Variants in VAV1 observed in about 807,000 individuals in gnomAD.
The protein encoded by VAV1 is proto-oncogene vav.
In VAV1, 33 loss-of-function variants were observed where a neutral mutation model predicts 128.1. The ratio of observed to expected loss-of-function variants is 0.26; its 90% CI spans 0.20 to 0.34. The LOEUF (loss-of-function observed/expected upper bound fraction) is 0.34, where lower values mean the gene tolerates loss of function less well. Ranked by LOEUF, VAV1 falls within the 10% of genes least tolerant of loss-of-function variation. VAV1 has a pLI of 1.00. For synonymous variants in VAV1, 394 were observed against 409.8 expected (o/e 0.96, Z 0.47); for missense variants, 715 against 1,093.7 (o/e 0.65, Z 4.88).
Position 6,822,232 on chromosome 19 carries a change from A to C in VAV1, c.461A>C (p.Glu154Ala), listed in dbSNP as rs1199900607. 16 of 1,583,272 alleles carry C rather than the reference A, an allele frequency of 1.0e-5. No homozygotes were observed. Among genetic ancestry groups the C allele is most frequent in the Non-Finnish European group, 1.4e-5 (16 of 1,166,050 alleles). The change falls in exon 5 of 27, where the codon GAG (glutamate) becomes GCG (alanine). Residue 154 changes from glutamate to alanine, a missense_variant. Coordinates refer to ENST00000602142, the MANE Select transcript of VAV1 (RefSeq NM_005428.4). The surrounding 1 kb of genome is among the most constrained non-coding windows in gnomAD (Gnocchi z 5.9). ...CTCACAACCCACAGCGACACGGTGG[A>C]GGAGGATGAGGACCTGTATGACTGC... ...GLSDQIDDTVEEDEDLYDCVE... is the reference protein window; with the variant it reads ...GLSDQIDDTVAEDEDLYDCVE...
chr19:6,811,938 C>T (rs564137046), intron 1 of VAV1, among the ~76,000 whole-genome samples: 2 of 152,310 alleles, frequency 1.3e-5, no homozygotes, highest in South Asian at 4.1e-4. Flanking sequence ...CTTTCATTTG[C>T]AGTTTTGCCA....
intron 1 of VAV1, among the ~76,000 whole-genome samples, chr19:6,812,310 C>CT (rs561287357): frequency 2.6e-5 from 4 of 152,134 alleles, no homozygotes; most frequent in African/African-American, 9.7e-5. Flanking sequence ...GTTTCTCTCT[C>CT]TGAGTGATGA....
At chr19:6,783,156 G>A (rs10403533) in intron 1 of VAV1, among the ~76,000 whole-genome samples, 32,956 of 152,060 alleles carry the variant, frequency 0.22, 3,656 homozygotes, top group African/African-American at 0.25. Flanking sequence ...CTCCAGCCTG[G>A]TGACAGAGCG....
chr19:6,822,618 C>A lies in VAV1; in HGVS notation c.654+104C>A. On this transcript the variant is annotated intron_variant, in intron 6 of 26. Coordinates refer to ENST00000602142, the MANE Select transcript of VAV1 (RefSeq NM_005428.4). This position sits in a 1 kb window ranked among gnomAD's most constrained non-coding sequence, Gnocchi z 5.9. ...GCTCTGGGCAGCTGAGGATTTCCTG[C>A]TCCCATCGCTTTTCCTTTCTGTGAC... 2.1e-6 allele frequency: 2 copies of A among 962,578 alleles called. No individual in the cohort carries two copies. Among genetic ancestry groups the A allele is most frequent in the Non-Finnish European group, 3.0e-6 (2 of 657,474 alleles). The allele number at this position is 962,578 out of a possible 1,614,324, so 59.6% of individuals were successfully genotyped here. A position where few individuals can be genotyped will look rare whatever the true frequency, so the allele number is the denominator to read the frequency against.
In VAV1 at chr19:6,831,973, T is replaced by C. The variant is rs1052325466; in HGVS notation, c.1399-118T>C. 6.6e-6 allele frequency: 5 copies of C among 754,666 alleles called. No homozygotes were observed. In the East Asian group the frequency reaches 7.9e-5, roughly 12 times the overall value. 46.7% of individuals were successfully genotyped at this position (754,666 alleles called of 1,614,324 possible). A position where few individuals can be genotyped will look rare whatever the true frequency, so the allele number is the denominator to read the frequency against. On this transcript the variant is annotated intron_variant, in intron 14 of 26. Transcript: ENST00000602142. ...TTACAAGGATATCCATGCATGGTGC[T>C]AGGGGCATAGAGACTGTCATGGGCT... is the stretch of plus-strand genomic sequence containing the variant.
rs192927418 is a variant in VAV1, at chr19:6,811,515, G to C, written c.205-9187G>C. Among the ~76,000 whole-genome samples the C allele has an allele frequency of 6.9e-4, 105 of 152,254 alleles. 1 individual carries two copies. The highest frequency in any genetic ancestry group is 1.1e-3 in the Non-Finnish European group (72 of 68,018). ...CATGTTAAGGGAGGCTGCAGTTGGG[G>C]GAGAATGAGGACTCTGCTTGGCTGA... On this transcript the variant is annotated intron_variant, in intron 1 of 26. Coordinates refer to ENST00000602142, the MANE Select transcript of VAV1 (RefSeq NM_005428.4).
At chr19:6,778,195 C>T (rs1970687047) in intron 1 of VAV1, among the ~76,000 whole-genome samples, 1 of 152,150 alleles carries the variant, frequency 6.6e-6, no homozygotes, top group Admixed American at 6.6e-5. Flanking sequence ...CCTCGGCCTC[C>T]CAAAGTGTTA....
intron 1 of VAV1, among the ~76,000 whole-genome samples, chr19:6,787,368 G>T (rs890239808): frequency 2.0e-5 from 3 of 151,942 alleles, no homozygotes; most frequent in Non-Finnish European, 4.4e-5. Flanking sequence ...TAGAGATGGG[G>T]TTTCACCAAG....
intron 1 of VAV1, among the ~76,000 whole-genome samples, chr19:6,789,813 G>A (rs1268366608): frequency 6.6e-6 from 1 of 151,166 alleles, no homozygotes; most frequent in Non-Finnish European, 1.5e-5. Flanking sequence ...TGGCCAGGCT[G>A]GTCTGGAACT....
intron 16 of VAV1, 64 bp downstream of exon 16, chr19:6,833,349 T>A: frequency 6.6e-7 from 1 of 1,516,442 alleles, no homozygotes; most frequent in Non-Finnish European, 9.0e-7. Context: ...CTAGAGAAGA[T>A]GGCCTAGTAA....
At chr19:6,804,864 C>T (rs1472093163) in intron 1 of VAV1, among the ~76,000 whole-genome samples, 5 of 151,942 alleles carry the variant, frequency 3.3e-5, no homozygotes, top group South Asian at 2.1e-4. Flanking sequence ...GCTGGGACTA[C>T]AGGCGCCCGC....
intron 21 of VAV1, among the ~76,000 whole-genome samples, chr19:6,840,810 G>A (rs919509061): frequency 2.6e-5 from 4 of 151,554 alleles, no homozygotes; most frequent in African/African-American, 7.3e-5. Flanking sequence ...ATGGAGTTTC[G>A]CTCTTGTTGC....
At chr19:6,827,737 T>G (rs1397883276) in intron 9 of VAV1, among the ~76,000 whole-genome samples, 1 of 149,618 alleles carries the variant, frequency 6.7e-6, no homozygotes, top group Non-Finnish European at 1.5e-5. Context: ...TAGCTGGGAT[T>G]GCAGGAGTCT....
intron 1 of VAV1, among the ~76,000 whole-genome samples, chr19:6,814,632 T>TCCC (rs1971581392): frequency 2.1e-5 from 3 of 141,178 alleles, no homozygotes; most frequent in African/African-American, 8.4e-5. Context: ...CTTTCTTTTC[T>TCCC]TTCTCTCCTT....
At chr19:6,827,041 A>G (rs1320693073) in intron 9 of VAV1, 1 of 306,490 alleles carries the variant, frequency 3.3e-6, no homozygotes. Context: ...TTCTCACTGA[A>G]CCCCAATTCC....
At chr19:6,841,776 T>C (rs1459522771) in intron 21 of VAV1, among the ~76,000 whole-genome samples, 2 of 151,322 alleles carry the variant, frequency 1.3e-5, no homozygotes, top group Non-Finnish European at 2.9e-5. Flanking sequence ...GTCCAGCACA[T>C]ACTGTTTTTC....
At chr19:6,832,525 TCC>T (rs1163587287) in intron 15 of VAV1, among the ~76,000 whole-genome samples, 68 of 121,960 alleles carry the variant, frequency 5.6e-4, no homozygotes, top group Admixed American at 1.5e-3. Flanking sequence ...TCCTCTTTCC[TCC>T]TCCTCCCCTT....
intron 1 of VAV1, among the ~76,000 whole-genome samples, chr19:6,775,060 C>T (rs545074244): frequency 1.3e-5 from 2 of 152,178 alleles, no homozygotes; most frequent in East Asian, 3.9e-4. Flanking sequence ...GCCACCATGC[C>T]CGGCCCTTCT....
Position 6,828,923 on chromosome 19 carries a change from T to A in VAV1, c.1265+23T>A, listed in dbSNP as rs771147677. ...CAGGTGGGTGGAGTCAACATGGATCTGGGATGGAGCCTGGGCAAAGGGGTG... is the reference window on the plus strand; with the variant it reads ...CAGGTGGGTGGAGTCAACATGGATCAGGGATGGAGCCTGGGCAAAGGGGTG... On this transcript the variant is annotated intron_variant, in intron 13 of 26. Coordinates refer to ENST00000602142, the MANE Select transcript of VAV1 (RefSeq NM_005428.4). This position sits in a 1 kb window ranked among gnomAD's most constrained non-coding sequence, Gnocchi z 4.5. 1.2e-6 allele frequency: 2 copies of A among 1,612,890 alleles called. No individual in the cohort carries two copies. Among genetic ancestry groups the A allele is most frequent in the Non-Finnish European group, 1.7e-6 (2 of 1,179,686 alleles).
Sources: allele counts gnomAD v4.1 joint callset (sites outside exome capture counted in the v4.1 genomes callset), GRCh38; gene constraint gnomAD v4.1.1; non-coding constraint Gnocchi (gnomAD v3.1); transcripts MANE v1.5; gene names NCBI Gene and HGNC (gene_info 2026-07-23, HGNC 2026-07-21).